Variants in TRPM8 observed in about 807,000 individuals in gnomAD.
The protein encoded by TRPM8 is transient receptor potential cation channel subfamily M member 8, also known as TRPM8 cationic channel.
In TRPM8, 110 loss-of-function variants were observed where a neutral mutation model predicts 133.7. The observed-to-expected ratio is 0.82, with a 90% CI of 0.70 to 0.96. The LOEUF (loss-of-function observed/expected upper bound fraction) is 0.96, where lower values mean the gene tolerates loss of function less well. Ranked by LOEUF, TRPM8 falls within the 40% of genes least tolerant of loss-of-function variation. The pLI is 0.00. For missense variants in TRPM8, 1,291 were observed against 1,379.5 expected, an observed-to-expected ratio of 0.94 and a Z score of 1.02; for synonymous variants, 535 against 532.3, an observed-to-expected ratio of 1.01 and a Z score of -0.07.
intron 15 of TRPM8, among the ~76,000 whole-genome samples, chr2:233,968,544 AC>A (rs1468409665): frequency 6.6e-6 from 1 of 152,100 alleles, no homozygotes; most frequent in African/African-American, 2.4e-5. Flanking sequence ...TCAAGCACGC[AC>A]CTGGCTGGAG....
intron 15 of TRPM8, 80 bp downstream of exon 15, chr2:233,966,835 A>G (rs1037459781): frequency 1.4e-6 from 2 of 1,420,272 alleles, no homozygotes; most frequent in Non-Finnish European, 1.9e-6. Flanking sequence ...ATTAAACAAT[A>G]GTAAAAACAA....
intron 11 of TRPM8, among the ~76,000 whole-genome samples, chr2:233,956,807 G>A (rs901984237): frequency 2.0e-5 from 3 of 152,152 alleles, no homozygotes; most frequent in Non-Finnish European, 2.9e-5. Context: ...AATGAACCCC[G>A]CTGCACATTG....
intron 23 of TRPM8, among the ~76,000 whole-genome samples, chr2:234,007,835 A>G (rs1442801249): frequency 6.6e-6 from 1 of 152,236 alleles, no homozygotes; most frequent in Non-Finnish European, 1.5e-5. Flanking sequence ...CCGCCCTGTC[A>G]ACAGCAATAG....
intron 17 of TRPM8, among the ~76,000 whole-genome samples, chr2:233,973,571 AGTTATATCT>A (rs1159375392): frequency 6.6e-6 from 1 of 152,180 alleles, no homozygotes; most frequent in African/African-American, 2.4e-5. Flanking sequence ...TTACTTAATT[AGTTATATCT>A]GCAATGCCCC....
chr2:234,001,733 T>A (rs1393197542), intron 22 of TRPM8, among the ~76,000 whole-genome samples: 6 of 152,176 alleles, frequency 3.9e-5, no homozygotes, highest in African/African-American at 1.4e-4. Context: ...AAACATGAAG[T>A]CTCAGTTCTG....
At chr2:233,997,044 T>C (rs17862942) in intron 22 of TRPM8, among the ~76,000 whole-genome samples, 4,055 of 152,248 alleles carry the variant, frequency 0.027, 83 homozygotes, top group Non-Finnish European at 0.041. Flanking sequence ...GCGGGCGGAT[T>C]GCCTGAGCTC....
At chr2:233,942,860 A>G in intron 6 of TRPM8, 112 bp downstream of exon 6, 3 of 1,333,830 alleles carry the variant, frequency 2.2e-6, no homozygotes, top group South Asian at 1.2e-5. Flanking sequence ...ATCATGGGGA[A>G]GTCTGCCTTT....
chr2:233,989,332 T>A lies in TRPM8; in HGVS notation c.2939+3467T>A, dbSNP rs926637458. 6.6e-6 allele frequency among the ~76,000 whole-genome samples: 1 copy of A among 152,146 alleles called. No individual in the cohort carries two copies. The highest frequency in any genetic ancestry group is 2.1e-4 in the South Asian group (1 of 4,826). ...CGCGCGTTATCTGGCTTAACTCAGG[T>A]CTCTTCCCCACGAGGCCAGAGCCAC... is the stretch of plus-strand genomic sequence containing the variant. On this transcript the variant is annotated intron_variant, in intron 21 of 25. Coordinates refer to ENST00000324695, the MANE Select transcript of TRPM8 (RefSeq NM_024080.5). The surrounding 1 kb of genome is among the most constrained non-coding windows in gnomAD (Gnocchi z 4.2).
intron 5 of TRPM8, among the ~76,000 whole-genome samples, 171 bp from the exon 6 acceptor site, chr2:233,942,405 T>C (rs1240452373): frequency 6.6e-6 from 1 of 152,170 alleles, no homozygotes; most frequent in African/African-American, 2.4e-5. Flanking sequence ...AGTGAACACC[T>C]CTCAGGAGAA....
At chr2:233,961,630 C>CTTTTTT (rs57935574) in intron 12 of TRPM8, among the ~76,000 whole-genome samples, 2 of 111,664 alleles carry the variant, frequency 1.8e-5, no homozygotes, top group Admixed American at 9.3e-5. Context: ...CTTTTCTTTT[C>CTTTTTT]TTTTTTTTTT....
intron 5 of TRPM8, among the ~76,000 whole-genome samples, chr2:233,939,707 A>AATG (rs1343918373): frequency 2.0e-5 from 3 of 152,250 alleles, no homozygotes; most frequent in African/African-American, 7.2e-5. Flanking sequence ...AGAATAATGC[A>AATG]ATGAACATCT....
chr2:234,005,233 G>C (rs370824634), intron 22 of TRPM8, among the ~76,000 whole-genome samples: 3 of 151,722 alleles, frequency 2.0e-5, no homozygotes, highest in Non-Finnish European at 4.4e-5. Context: ...TTGCCCCCTC[G>C]TATGGGAGAC....
In TRPM8 at chr2:234,017,542, T is replaced by C. The variant is rs1692986402; in HGVS notation, c.*286T>C. 1 of 342,860 alleles carries C rather than the reference T, an allele frequency of 2.9e-6. No individual in the cohort carries two copies. Among genetic ancestry groups the C allele is most frequent in the East Asian group, 7.8e-5 (1 of 12,740 alleles). The allele number at this position is 342,860 out of a possible 1,614,324, so 21.2% of individuals were successfully genotyped here. On this transcript the variant is annotated 3_prime_UTR_variant, in exon 26 of 26. Coordinates refer to ENST00000324695, the MANE Select transcript of TRPM8 (RefSeq NM_024080.5). ...AATGCCTGGGACTGGAGGTTGATAG[T>C]TTAAGTGTGTTCTTACCGCCTCCTT...
chr2:233,999,576 C>G (rs956128158), intron 22 of TRPM8, among the ~76,000 whole-genome samples: 3 of 151,420 alleles, frequency 2.0e-5, no homozygotes, highest in African/African-American at 7.4e-5. Context: ...GAGCTGAATG[C>G]GCCGGTCCTC....
chr2:233,995,723 C>G lies in TRPM8; in HGVS notation c.2940-603C>G, dbSNP rs1003648990. On this transcript the variant is annotated intron_variant, in intron 21 of 25. Transcript: ENST00000324695. Reference sequence around the variant, plus strand: ...TTAGTGATGAACATTTAGTTTCTTTCTTTCTCTTTGAGTAGGGGGTGGGGG... The same window carrying G: ...TTAGTGATGAACATTTAGTTTCTTTGTTTCTCTTTGAGTAGGGGGTGGGGG... Among the ~76,000 whole-genome samples, 27 of 151,798 alleles carry G rather than the reference C, an allele frequency of 1.8e-4. 1 individual carries two copies. Among genetic ancestry groups the G allele is most frequent in the Admixed American group, 2.6e-4 (4 of 15,250 alleles).
In TRPM8 at chr2:233,961,028, G is replaced by C. The variant is rs758641743; in HGVS notation, c.1615G>C (p.Asp539His). ...ANFRRGFRKE[D>H]RNGRDEMDIE... Reference sequence around the variant, plus strand: ...CTTCCGAAGAGGCTTCCGGAAGGAAGACAGAAATGGCCGGGACGAGATGGA... The same window carrying C: ...CTTCCGAAGAGGCTTCCGGAAGGAACACAGAAATGGCCGGGACGAGATGGA... The change falls in exon 12 of 26, where the codon GAC (aspartate) becomes CAC (histidine). Residue 539 changes from aspartate (D) to histidine (H), a missense_variant. Asp to His is a moderately conservative substitution (Grantham distance 81). Around this residue, in one of 2 missense-constraint regions of TRPM8, gnomAD observed 963 missense variants for 968.9 expected, o/e 0.99. Transcript: ENST00000324695. 1.5e-5 allele frequency: 25 copies of C among 1,614,078 alleles called. No homozygotes were observed. Among genetic ancestry groups the C allele is most frequent in the Admixed American group, 1.2e-4 (7 of 60,006 alleles).
intron 4 of TRPM8, among the ~76,000 whole-genome samples, chr2:233,938,218 C>T (rs2125082554): frequency 6.6e-6 from 1 of 152,334 alleles, no homozygotes; most frequent in East Asian, 1.9e-4. Flanking sequence ...AATGTAAAGC[C>T]CACCCTGTTC....
intron 18 of TRPM8, 71 bp downstream of exon 18, chr2:233,980,350 A>T (rs568549237): frequency 5.8e-6 from 6 of 1,026,358 alleles, no homozygotes; most frequent in African/African-American, 1.6e-5. Flanking sequence ...CTCTGCAGAC[A>T]TTTCAAACCC....
chr2:233,973,040 A>C (rs1435917903), intron 17 of TRPM8, among the ~76,000 whole-genome samples: 1 of 152,216 alleles, frequency 6.6e-6, no homozygotes, highest in East Asian at 1.9e-4. Context: ...TCAGAAGCGT[A>C]AGGTAAATGA....
Sources: allele counts gnomAD v4.1 joint callset (sites outside exome capture counted in the v4.1 genomes callset), GRCh38; gene constraint gnomAD v4.1.1; regional missense constraint gnomAD v4.1.1; non-coding constraint Gnocchi (gnomAD v3.1); transcripts MANE v1.5; gene names NCBI Gene and HGNC (gene_info 2026-07-23, HGNC 2026-07-21).